The following NBEAL1 variants were observed in gnomAD, a reference collection of about 807,000 sequenced individuals.
NBEAL1 encodes the protein neurobeachin-like protein 1.
In NBEAL1, 273 loss-of-function variants were observed where a neutral mutation model predicts 351.3. That is an observed-to-expected ratio of 0.78 (90% CI 0.70 to 0.86). The LOEUF (loss-of-function observed/expected upper bound fraction) is 0.86. Ranked by LOEUF, NBEAL1 falls within the 40% of genes least tolerant of loss-of-function variation. The pLI, the probability that NBEAL1 is intolerant of heterozygous loss-of-function variation, is 0.00. For missense variants in NBEAL1, 2,961 were observed against 3,201.3 expected (o/e 0.92, Z 1.81); for synonymous variants, 1,050 against 1,086.4 (o/e 0.97, Z 0.66).
chr2:203,087,211 G>A (rs1256928319), intron 10 of NBEAL1, among the ~76,000 whole-genome samples: 1 of 148,182 alleles, frequency 6.7e-6, no homozygotes, highest in African/African-American at 2.5e-5. Flanking sequence ...TCCTGCCTCA[G>A]CCTCCCAAGT....
At chr2:203,207,564 A>T (rs1436496400) in intron 51 of NBEAL1, among the ~76,000 whole-genome samples, 1 of 152,234 alleles carries the variant, frequency 6.6e-6, no homozygotes, top group Admixed American at 6.5e-5. Context: ...TTTGTTCTGT[A>T]CTAAGAAAAA....
intron 2 of NBEAL1, 56 bp from the exon 3 acceptor site, chr2:203,041,709 G>C: frequency 7.5e-6 from 9 of 1,193,630 alleles, no homozygotes; most frequent in Non-Finnish European, 9.6e-6. Flanking sequence ...AGGTGTAGAA[G>C]CATTTTTTTT....
chr2:203,141,238 T>TC (rs5837842), intron 31 of NBEAL1, among the ~76,000 whole-genome samples: 135,492 of 148,728 alleles, frequency 0.91, 62,200 homozygotes, highest in Non-Finnish European at 0.96. Flanking sequence ...TGATGAAATT[T>TC]CCTAAACAAA....
intron 6 of NBEAL1, among the ~76,000 whole-genome samples, chr2:203,059,820 G>A (rs2061467974): frequency 1.3e-5 from 2 of 152,182 alleles, no homozygotes; most frequent in South Asian, 4.1e-4. Context: ...ATAGTTCAAG[G>A]CTTCAGTTAG....
intron 25 of NBEAL1, among the ~76,000 whole-genome samples, chr2:203,131,504 C>T (rs2063071893): frequency 6.6e-6 from 1 of 152,192 alleles, no homozygotes. Flanking sequence ...GCATGAGCCA[C>T]TGTGCCCAGT....
chr2:203,042,087 C>G (rs2061152151), intron 3 of NBEAL1, among the ~76,000 whole-genome samples: 1 of 152,184 alleles, frequency 6.6e-6, no homozygotes, highest in Non-Finnish European at 1.5e-5. Context: ...TGGTGTTCTG[C>G]AACACACTTC....
chr2:203,073,182 G>A (rs1258654393), intron 7 of NBEAL1, among the ~76,000 whole-genome samples: 1 of 152,096 alleles, frequency 6.6e-6, no homozygotes, highest in African/African-American at 2.4e-5. Flanking sequence ...GGGACTATAG[G>A]CATGTGTGTT....
chr2:203,183,308 A>G lies in NBEAL1; in HGVS notation c.6625A>G (p.Lys2209Glu). 6.3e-7 allele frequency: 1 copy of G among 1,594,026 alleles called. No individual in the cohort carries two copies. ...QFNLGRLQIS[K>E]ELVNDVILPK... ...TAACTTGGGTCGTCTACAGATTTCCAAAGAATTAGTAAATGATGTCATTCT... is the reference window on the plus strand; with the variant it reads ...TAACTTGGGTCGTCTACAGATTTCCGAAGAATTAGTAAATGATGTCATTCT... Residue 2209 changes from lysine to glutamate, a missense_variant, in exon 44 of 56, where the codon AAA (lysine) becomes GAA (glutamate). Coordinates refer to ENST00000683969, the MANE Select transcript of NBEAL1 (RefSeq NM_001378026.1).
rs2063108870 is a variant in NBEAL1, at chr2:203,133,040, T to C, written c.3725-18T>C. The stretch of plus-strand genomic sequence containing the variant: ...ATCTCTGGTATTTAATTTTAACTTT[T>C]TGTTTTTCCTACCATAGATCCTGTT... On this transcript the variant is annotated intron_variant, in intron 26 of 55. Coordinates refer to ENST00000683969, the MANE Select transcript of NBEAL1 (RefSeq NM_001378026.1). 37 of 1,201,300 alleles carry C rather than the reference T, an allele frequency of 3.1e-5. No homozygotes were observed. Among genetic ancestry groups the C allele is most frequent in the Non-Finnish European group, 3.9e-5 (33 of 849,736 alleles). 74.4% of individuals were successfully genotyped at this position (1,201,300 alleles called of 1,614,324 possible).
rs915248653 is a variant in NBEAL1 at position 203,199,423 on chromosome 2, A to G, written c.7214A>G (p.Lys2405Arg). The G allele has an allele frequency of 2.5e-6, 4 of 1,599,838 alleles. No homozygotes were observed. Among genetic ancestry groups the G allele is most frequent in the Non-Finnish European group, 3.4e-6 (4 of 1,168,220 alleles). The change falls in exon 49 of 56, where the codon AAG becomes AGG. Residue 2405 changes from lysine (K) to arginine (R), a missense_variant. Physicochemically the swap from Lys to Arg is conservative, Grantham distance 26 (BLOSUM62 2). Coordinates refer to ENST00000683969, the MANE Select transcript of NBEAL1 (RefSeq NM_001378026.1). ...ATTTCTAATTACTTTACATTCATCA[A>G]GGATCAAACTGTGACAAATCCAAAG... ...RNISNYFTFI[K>R]DQTVTNPKTQ... is the part of the protein sequence containing the mutation.
At chr2:203,034,453 G>A (rs1184117873) in intron 2 of NBEAL1, among the ~76,000 whole-genome samples, 1 of 144,858 alleles carries the variant, frequency 6.9e-6, no homozygotes, top group Non-Finnish European at 1.5e-5. Flanking sequence ...CACCACACCC[G>A]GCCATTTTTT....
chr2:203,203,486 T>TTTCTGCATTGTCTTAACAC (rs2065460675), intron 51 of NBEAL1, among the ~76,000 whole-genome samples: 1 of 152,080 alleles, frequency 6.6e-6, no homozygotes, highest in Admixed American at 6.6e-5. Flanking sequence ...GCTTCTGTGT[T>TTTCTGCATTGTCTTAACAC]TTCTGCATTG....
At chr2:203,176,928 G>A (rs895636899) in intron 42 of NBEAL1, among the ~76,000 whole-genome samples, 1 of 151,954 alleles carries the variant, frequency 6.6e-6, no homozygotes, top group South Asian at 2.1e-4. Flanking sequence ...AGGTCAGGTG[G>A]ATCACTTGAG....
chr2:203,154,422 C>T (rs1315892721), intron 35 of NBEAL1, among the ~76,000 whole-genome samples: 1 of 152,056 alleles, frequency 6.6e-6, no homozygotes, highest in African/African-American at 2.4e-5. Flanking sequence ...TTAGTTTTGT[C>T]TACTCCTTAG....
rs908734123 is a variant in NBEAL1 at position 203,041,859 on chromosome 2, A to G, written c.143+3A>G. The G allele has an allele frequency of 3.9e-6, 6 of 1,546,662 alleles. No homozygotes were observed. Among genetic ancestry groups the G allele is most frequent in the East Asian group, 2.4e-5 (1 of 41,280 alleles). ...GACTTTGAAAAGCTGCCTACCAGGT[A>G]TGTAGAAACGCTAATTTGTAACCCC... On this transcript the variant is annotated splice_donor_region_variant and intron_variant, in intron 3 of 55. Coordinates refer to ENST00000683969, the MANE Select transcript of NBEAL1 (RefSeq NM_001378026.1).
intron 35 of NBEAL1, among the ~76,000 whole-genome samples, chr2:203,154,924 G>C (rs1186129859): frequency 9.4e-6 from 1 of 105,874 alleles, no homozygotes; most frequent in South Asian, 3.6e-4. Context: ...AACAGAGTGA[G>C]ACCTTGTCTC....
chr2:203,099,475 A>G (rs909226751), intron 11 of NBEAL1, among the ~76,000 whole-genome samples, 154 bp from the exon 12 acceptor site: 2 of 152,120 alleles, frequency 1.3e-5, no homozygotes, highest in Non-Finnish European at 2.9e-5. Flanking sequence ...CTTTCCTTGC[A>G]GGTTATAGTG....
At chr2:203,075,433 C>T (rs1266051775) in intron 7 of NBEAL1, among the ~76,000 whole-genome samples, 1 of 152,112 alleles carries the variant, frequency 6.6e-6, no homozygotes, top group Non-Finnish European at 1.5e-5. Context: ...TCTGTGTGTC[C>T]ACTGTGGCTG....
In NBEAL1 at chr2:203,197,234, C is replaced by T. The variant is rs189275175; in HGVS notation, c.7039-68C>T. 440 of 835,672 alleles carry T rather than the reference C, an allele frequency of 5.3e-4. 4 individuals carry two copies. The East Asian group carries it at 7.4e-3, about 14-fold the overall frequency. The allele number at this position is 835,672 out of a possible 1,614,324, so 51.8% of individuals were successfully genotyped here. On this transcript the variant is annotated intron_variant, in intron 47 of 55. Transcript: ENST00000683969. ...CAGGATTCATCCTTATTTAAAGAGACGGTTTTCAGTAATTTGTACCTAATA... is the reference window on the plus strand; with the variant it reads ...CAGGATTCATCCTTATTTAAAGAGATGGTTTTCAGTAATTTGTACCTAATA...
Sources: gnomAD v4.1 joint callset for allele counts (sites outside exome capture counted in the v4.1 genomes callset) on GRCh38, gnomAD v4.1.1 for gene constraint, MANE v1.5 for transcripts, NCBI Gene and HGNC (gene_info 2026-07-23, HGNC 2026-07-21) for gene names.